The following CCND3 variants were observed in gnomAD, a reference collection of about 807,000 sequenced individuals.
CCND3 encodes the protein G1/S-specific cyclin-D3.
Under a neutral mutation model 28.7 loss-of-function variants are expected in CCND3, and 9 were observed. The observed-to-expected ratio is 0.31, with a 90% CI of 0.19 to 0.55. CCND3 has a LOEUF of 0.55. CCND3 is among the 20% of genes least tolerant of loss of function. CCND3 has a pLI of 0.93. For missense variants in CCND3, 315 were observed against 385.8 expected (o/e 0.82, Z 1.54); for synonymous variants, 164 against 163.9 (o/e 1.00, Z 0.00).
intron 1 of CCND3, among the ~76,000 whole-genome samples, chr6:42,035,236 G>C (rs979079105): frequency 6.6e-6 from 1 of 152,152 alleles, no homozygotes; most frequent in Non-Finnish European, 1.5e-5. Flanking sequence ...TGCCTCACGG[G>C]GGAAGGGCAG....
intron 1 of CCND3, among the ~76,000 whole-genome samples, chr6:42,023,086 C>T (rs1461912657): frequency 6.6e-6 from 1 of 152,214 alleles, no homozygotes; most frequent in Non-Finnish European, 1.5e-5. Context: ...TGTCATCTTT[C>T]ACAGACATGC....
At chr6:41,948,422 A>G (rs774881027) in intron 1 of CCND3, among the ~76,000 whole-genome samples, 29 of 151,580 alleles carry the variant, frequency 1.9e-4, no homozygotes, top group Middle Eastern at 3.4e-3. Flanking sequence ...TGCAGCCTCT[A>G]TCTCCCAGGC....
In CCND3 at chr6:41,993,379, T is replaced by C. The variant is rs1285881256; in HGVS notation, c.-45-52794A>G. ...ATTAGTGATGTTGAACATTTTCCCA[T>C]ATATCAATATATTTGTTAAGCTCAT... On this transcript the variant is annotated intron_variant, in intron 1 of 4. Transcript: ENST00000372988. Among the ~76,000 whole-genome samples, 6 of 151,476 alleles carry C rather than the reference T, an allele frequency of 4.0e-5. No homozygotes were observed. The East Asian group carries it at 5.9e-4, about 15-fold the overall frequency.
At chr6:41,943,218 C>A (rs1280774284), upstream of CCND3, among the ~76,000 whole-genome samples, 1 of 151,976 alleles carries the variant, frequency 6.6e-6, no homozygotes, top group Non-Finnish European at 1.5e-5. Context: ...ATAAAATATT[C>A]TTTTACATTG....
At position 41,939,394 on chromosome 6, in the gene CCND3, C is replaced by G. The variant is rs996267863; in HGVS notation, c.414+976G>C. ...GAAGGTGCCAGCTCACCCACCCTCT[C>G]CCCCAGCCTCCCTAGGAGACAATCT... On this transcript the variant is annotated intron_variant, in intron 2 of 4. Coordinates refer to ENST00000372991, the MANE Select transcript of CCND3 (RefSeq NM_001760.5). This position sits in a 1 kb window ranked among gnomAD's most constrained non-coding sequence, Gnocchi z 4.2. Among the ~76,000 whole-genome samples the G allele has an allele frequency of 6.6e-6, 1 of 152,154 alleles. No homozygotes were observed. Among genetic ancestry groups the G allele is most frequent in the Non-Finnish European group, 1.5e-5 (1 of 68,008 alleles).
upstream of CCND3, among the ~76,000 whole-genome samples, chr6:41,946,184 T>C (rs570759832): frequency 2.0e-5 from 3 of 152,134 alleles, no homozygotes; most frequent in Non-Finnish European, 2.9e-5. Flanking sequence ...ATAACAGTAG[T>C]ACCCCCCCAC....
intron 1 of CCND3, among the ~76,000 whole-genome samples, chr6:41,949,569 G>A (rs909067386): frequency 6.6e-5 from 10 of 150,532 alleles, no homozygotes; most frequent in African/African-American, 2.0e-4. Context: ...TTTGGGAGGC[G>A]GCGACAGAGC....
upstream of CCND3, among the ~76,000 whole-genome samples, chr6:41,943,462 G>A (rs149184334): frequency 0.012 from 1,882 of 152,118 alleles, 25 homozygotes; most frequent in South Asian, 0.059. Context: ...TTGTAATAGG[G>A]ACATAATATA....
At chr6:42,030,544 A>T (rs56053740) in intron 1 of CCND3, among the ~76,000 whole-genome samples, 51,350 of 152,000 alleles carry the variant, frequency 0.34, 9,771 homozygotes, top group Middle Eastern at 0.44. Flanking sequence ...GCCCACCCAC[A>T]GTGAGGCTGA....
chr6:42,006,320 A>C (rs1235502427), intron 1 of CCND3, among the ~76,000 whole-genome samples: 1 of 151,822 alleles, frequency 6.6e-6, no homozygotes, highest in Non-Finnish European at 1.5e-5. Flanking sequence ...AAAAAGATTT[A>C]ACAACAAACT....
intron 1 of CCND3, among the ~76,000 whole-genome samples, chr6:42,034,468 CTTTTTTTTTTTT>C (rs34822771): frequency 1.8e-4 from 9 of 50,978 alleles, no homozygotes; most frequent in African/African-American, 4.3e-4. Context: ...CCCTGTCACT[CTTTTTTTTTTTT>C]TTTTTTTTTT....
At position 41,935,907 on chromosome 6, in the gene CCND3, G is replaced by A; in HGVS notation, c.*33C>T. On this transcript the variant is annotated 3_prime_UTR_variant, in exon 5 of 5. Transcript: ENST00000372991. ...GGTGGGTGGCAGCGGCCCCTCCTCT[G>A]CTTAGTGGCCACTCCAGAGGGCCTC... 1 of 1,585,464 alleles carries A rather than the reference G, an allele frequency of 6.3e-7. No individual in the cohort carries two copies. Among genetic ancestry groups the A allele is most frequent in the Non-Finnish European group, 8.6e-7 (1 of 1,165,072 alleles).
intron 1 of CCND3, among the ~76,000 whole-genome samples, chr6:42,033,318 C>T (rs933544106): frequency 7.9e-5 from 12 of 151,588 alleles, no homozygotes; most frequent in Admixed American, 3.3e-4. Context: ...AGTGTGATGG[C>T]GCACACCTGT....
intron 1 of CCND3, among the ~76,000 whole-genome samples, chr6:41,991,708 T>A (rs903919060): frequency 6.6e-6 from 1 of 152,216 alleles, no homozygotes; most frequent in Non-Finnish European, 1.5e-5. Flanking sequence ...TATGTAGCTG[T>A]AATTTTGTAA....
Position 41,941,583 on chromosome 6 carries a change from C to T in CCND3, c.67G>A (p.Gly23Arg), listed in dbSNP as rs1191441347. 1.3e-6 allele frequency: 2 copies of T among 1,553,832 alleles called. No homozygotes were observed. Among genetic ancestry groups the T allele is most frequent in the South Asian group, 1.2e-5 (1 of 84,946 alleles). ...PRAGPDPRLL[G>R]DQRVLQSLLR... ...AGGCTCTGCAGGACACGCTGGTCCC[C>T]CAGCAGCCGCGGGTCCGGCCCGGCC... The change falls in exon 1 of 5, where the codon GGG (glycine) becomes AGG (arginine). Residue 23 changes from glycine (G) to arginine (R), a missense_variant. Physicochemically the swap from Gly to Arg is moderately radical, Grantham distance 125. Transcript: ENST00000372991. The surrounding 1 kb of genome is among the most constrained non-coding windows in gnomAD (Gnocchi z 6.1).
upstream of CCND3, among the ~76,000 whole-genome samples, chr6:41,945,050 G>C (rs141652499): frequency 3.7e-4 from 57 of 152,250 alleles, no homozygotes; most frequent in African/African-American, 1.3e-3. Flanking sequence ...TAAAGACAAA[G>C]CAATGACCAG....
At chr6:42,012,838 T>C (rs544745778) in intron 1 of CCND3, among the ~76,000 whole-genome samples, 1 of 152,194 alleles carries the variant, frequency 6.6e-6, no homozygotes, top group Non-Finnish European at 1.5e-5. Flanking sequence ...ACCAGATTCA[T>C]TATATGCTAT....
At position 41,941,526 on chromosome 6, in the gene CCND3, C is replaced by T. The variant is rs1213438578; in HGVS notation, c.124G>A (p.Ala42Thr). The change falls in exon 1 of 5, where the codon GCC becomes ACC. Residue 42 changes from alanine (A) to threonine (T), a missense_variant. Transcript: ENST00000372991. This position sits in a 1 kb window ranked among gnomAD's most constrained non-coding sequence, Gnocchi z 6.1. ...CGCTGCACGCACTGGAAGTAGGAGG[C>T]GCGGGGTACGTAGCGCTCCTCCAGG... The part of the protein sequence containing the change: ...LRLEERYVPR[A>T]SYFQCVQREI... 1 of 1,605,064 alleles carries T rather than the reference C, an allele frequency of 6.2e-7. No individual in the cohort carries two copies. The highest frequency in any genetic ancestry group is 1.7e-5 in the Admixed American group (1 of 59,050).
rs552988140 is a variant in CCND3 at position 41,990,824 on chromosome 6, G to T, written c.-45-50239C>A. Among the ~76,000 whole-genome samples the T allele has an allele frequency of 1.8e-4, 28 of 151,986 alleles. 1 individual carries two copies. In the South Asian group the frequency reaches 5.4e-3, roughly 29 times the overall value. Reference sequence around the variant, plus strand: ...GCCTCCAGGGTAGCTGGGACTACAGGCGCCTGACACCATGTCCGGCTAATT... The same window carrying T: ...GCCTCCAGGGTAGCTGGGACTACAGTCGCCTGACACCATGTCCGGCTAATT... On this transcript the variant is annotated intron_variant, in intron 1 of 4. Transcript: ENST00000372988.
Sources: allele counts gnomAD v4.1 joint callset (sites outside exome capture counted in the v4.1 genomes callset), GRCh38; gene constraint gnomAD v4.1.1; non-coding constraint Gnocchi (gnomAD v3.1); transcripts MANE v1.5; gene names NCBI Gene and HGNC (gene_info 2026-07-23, HGNC 2026-07-21).